Variants in NALCN observed in about 807,000 individuals in gnomAD.
NALCN encodes the protein sodium leak channel NALCN.
NALCN carries 111 observed loss-of-function variants against 225.3 expected under a neutral mutation model. The ratio of observed to expected loss-of-function variants is 0.49; its 90% confidence interval spans 0.42 to 0.58. The LOEUF is 0.58. NALCN is among the 20% of genes least tolerant of loss of function. The pLI is 0.00. For missense variants in NALCN, 1,378 were observed against 2,202.4 expected (o/e 0.63, Z 7.49); for synonymous variants, 764 against 769.0 (o/e 0.99, Z 0.11).
intron 15 of NALCN, among the ~76,000 whole-genome samples, chr13:101,147,128 AAC>A (rs1213639825): frequency 1.3e-5 from 2 of 152,144 alleles, no homozygotes; most frequent in Non-Finnish European, 2.9e-5. Flanking sequence ...TTGAAATGAG[AAC>A]ACAGAGTTCT....
At chr13:101,183,649 AGGGT>A (rs1364776387) in intron 14 of NALCN, among the ~76,000 whole-genome samples, 2 of 152,102 alleles carry the variant, frequency 1.3e-5, no homozygotes, top group African/African-American at 4.8e-5. Context: ...TAGTAGACAC[AGGGT>A]TTTACCATGT....
chr13:101,273,884 C>CAAAAAAA (rs34847260), intron 10 of NALCN, among the ~76,000 whole-genome samples: 43 of 95,818 alleles, frequency 4.5e-4, no homozygotes, highest in South Asian at 1.0e-3. Context: ...GACTCCATCT[C>CAAAAAAA]AAAAAAAAAA....
Position 101,265,198 on chromosome 13 carries a change from G to C in NALCN, c.1135-6624C>G, listed in dbSNP as rs144607543. Among the ~76,000 whole-genome samples the C allele has an allele frequency of 3.0e-3, 463 of 152,286 alleles. 2 individuals carry two copies. Among genetic ancestry groups the C allele is most frequent in the African/African-American group, 0.011 (451 of 41,564 alleles). ...ATTTTGACAGACACCAGCTCAAACTGTCTTGTATACCAGCTCAAATCACCT... is the reference window on the plus strand; with the variant it reads ...ATTTTGACAGACACCAGCTCAAACTCTCTTGTATACCAGCTCAAATCACCT... On this transcript the variant is annotated intron_variant, in intron 10 of 43. Transcript: ENST00000251127.
At chr13:101,388,269 G>T (rs2047048856) in intron 3 of NALCN, among the ~76,000 whole-genome samples, 1 of 152,114 alleles carries the variant, frequency 6.6e-6, no homozygotes, top group Admixed American at 6.5e-5. Context: ...GTTTTACTGA[G>T]CTATGAAGTT....
At chr13:101,350,454 G>A (rs887024110) in intron 6 of NALCN, among the ~76,000 whole-genome samples, 12 of 151,910 alleles carry the variant, frequency 7.9e-5, no homozygotes, top group African/African-American at 2.9e-4. Flanking sequence ...CACTGGGCCA[G>A]GTTTCCCTGC....
rs1380042328 is a variant in NALCN, at chr13:101,065,443, A to G, written c.4565T>C (p.Leu1522Pro). ...FKHMCYEMER[L>P]HNGGDVTFHD... ...GAAGGTGACGTCGCCGCCATTGTGG[A>G]GCCTCTCCATTTCGTAGCACATGTG... The change falls in exon 40 of 44, where the codon CTC becomes CCC. Residue 1522 changes from leucine to proline, a missense_variant. By Grantham distance (98) the Leu-to-Pro change is moderately conservative (BLOSUM62 -3). This residue lies in a region of NALCN where 94 missense variants were observed against 170.3 expected (regional missense o/e 0.55). Coordinates refer to ENST00000251127, the MANE Select transcript of NALCN (RefSeq NM_052867.4). 6.2e-7 allele frequency: 1 copy of G among 1,614,128 alleles called. No homozygotes were observed. The highest frequency in any genetic ancestry group is 8.5e-7 in the Non-Finnish European group (1 of 1,180,014).
intron 12 of NALCN, among the ~76,000 whole-genome samples, chr13:101,234,626 A>G (rs1228586329): frequency 2.0e-5 from 3 of 152,222 alleles, no homozygotes; most frequent in African/African-American, 4.8e-5. Context: ...TTTACTTTCT[A>G]GCCACAAATT....
chr13:101,115,716 TA>T (rs141752234), intron 18 of NALCN, among the ~76,000 whole-genome samples: 2,486 of 152,188 alleles, frequency 0.016, 61 homozygotes, highest in African/African-American at 0.056. Context: ...CTTCCCAGAG[TA>T]AAGGCAAGGC....
At chr13:101,333,178 C>T (rs1182829501) in intron 7 of NALCN, among the ~76,000 whole-genome samples, 2 of 152,120 alleles carry the variant, frequency 1.3e-5, no homozygotes, top group East Asian at 1.9e-4. Flanking sequence ...AATAGAAATA[C>T]ATCTCACTTT....
Position 101,104,039 on chromosome 13 carries a change from T to C in NALCN, c.2889+256A>G, listed in dbSNP as rs1025446217. On this transcript the variant is annotated intron_variant, in intron 25 of 43. Coordinates refer to ENST00000251127, the MANE Select transcript of NALCN (RefSeq NM_052867.4). The surrounding 1 kb of genome is among the most constrained non-coding windows in gnomAD (Gnocchi z 4.2). ...TGCCATGTTAGACCTTATTAATGTA[T>C]GTCTCATTCATACATAAAATTGTGA... Among the ~76,000 whole-genome samples, 1 of 152,220 alleles carries C rather than the reference T, an allele frequency of 6.6e-6. No individual in the cohort carries two copies. Among genetic ancestry groups the C allele is most frequent in the African/African-American group, 2.4e-5 (1 of 41,458 alleles).
chr13:101,060,938 A>G, intron 41 of NALCN, among the ~76,000 whole-genome samples: 1 of 152,182 alleles, frequency 6.6e-6, no homozygotes, highest in Non-Finnish European at 1.5e-5. Flanking sequence ...GTTGAGTTGT[A>G]TCTTTTCTCT....
intron 13 of NALCN, among the ~76,000 whole-genome samples, chr13:101,202,157 C>CTTAA (rs1160738098): frequency 2.6e-5 from 4 of 152,140 alleles, no homozygotes; most frequent in Non-Finnish European, 4.4e-5. Flanking sequence ...TTATTTAAAA[C>CTTAA]TTAATTCAGC....
intron 10 of NALCN, among the ~76,000 whole-genome samples, chr13:101,260,647 C>T (rs1174690107): frequency 1.3e-5 from 2 of 152,054 alleles, no homozygotes; most frequent in Non-Finnish European, 2.9e-5. Flanking sequence ...TTTCATATGC[C>T]TGTTTGTGTC....
At chr13:101,133,706 T>C (rs2036624695) in intron 17 of NALCN, among the ~76,000 whole-genome samples, 1 of 152,316 alleles carries the variant, frequency 6.6e-6, no homozygotes, top group African/African-American at 2.4e-5. Context: ...ATTGACATTA[T>C]GCTTAGAAAA....
chr13:101,265,657 T>G (rs1191218366), intron 10 of NALCN, among the ~76,000 whole-genome samples: 2 of 152,240 alleles, frequency 1.3e-5, no homozygotes. Flanking sequence ...TGCTTGCTCA[T>G]GTAATAACAT....
At chr13:101,169,603 A>T (rs2038617898) in intron 15 of NALCN, among the ~76,000 whole-genome samples, 1 of 152,216 alleles carries the variant, frequency 6.6e-6, no homozygotes, top group African/African-American at 2.4e-5. Flanking sequence ...ATGGATAAGC[A>T]TCTCATCCAA....
chr13:101,366,296 C>A (rs2046375139), intron 6 of NALCN, among the ~76,000 whole-genome samples: 1 of 152,158 alleles, frequency 6.6e-6, no homozygotes, highest in Non-Finnish European at 1.5e-5. Flanking sequence ...TTGGGCCTTA[C>A]AGGAACTAAG....
chr13:101,346,876 A>G (rs535250191), intron 6 of NALCN, among the ~76,000 whole-genome samples: 1 of 152,290 alleles, frequency 6.6e-6, no homozygotes, highest in East Asian at 1.9e-4. Flanking sequence ...TTCTAAATCC[A>G]TAATTGTGTT....
chr13:101,260,966 A>G (rs2042405451), intron 10 of NALCN, among the ~76,000 whole-genome samples: 1 of 151,862 alleles, frequency 6.6e-6, no homozygotes, highest in South Asian at 2.1e-4. Context: ...TGTCCTGGAG[A>G]TTTTCCCCAG....
Sources: allele counts gnomAD v4.1 joint callset (sites outside exome capture counted in the v4.1 genomes callset), GRCh38; gene constraint gnomAD v4.1.1; regional missense constraint gnomAD v4.1.1; non-coding constraint Gnocchi (gnomAD v3.1); transcripts MANE v1.5; gene names NCBI Gene and HGNC (gene_info 2026-07-23, HGNC 2026-07-21).